The following PTH1R variants were observed in gnomAD, a reference collection of about 807,000 sequenced individuals.
The protein encoded by PTH1R is parathyroid hormone 1 receptor, also known as parathyroid hormone/parathyroid hormone-related peptide receptor.
A neutral mutation model predicts 70.7 loss-of-function variants in PTH1R; 32 were observed. That is an observed-to-expected ratio of 0.45 (90% CI 0.34 to 0.61). The LOEUF (loss-of-function observed/expected upper bound fraction) is 0.61. Among genes scored for constraint, PTH1R ranks in the 20% least tolerant of loss-of-function variants. PTH1R has a pLI of 0.01. For synonymous variants in PTH1R, 329 were observed against 324.8 expected, an observed-to-expected ratio of 1.01 and a Z score of -0.14; for missense variants, 626 against 792.5, an observed-to-expected ratio of 0.79 and a Z score of 2.52.
At position 46,902,705 on chromosome 3, in the gene PTH1R, G is replaced by C. The variant is rs1331514357; in HGVS notation, c.1353+38G>C. ...GGCCCGGGCCTGGCTGAGGGTGGGA[G>C]GGGTTCCGGGGGCAGGCCTGATTCG... On this transcript the variant is annotated intron_variant, in intron 14 of 15. Transcript: ENST00000449590. The surrounding 1 kb of genome is among the most constrained non-coding windows in gnomAD (Gnocchi z 5.4). The C allele has an allele frequency of 6.2e-7, 1 of 1,614,122 alleles. No individual in the cohort carries two copies. The highest frequency in any genetic ancestry group is 1.7e-5 in the Admixed American group (1 of 60,026).
At position 46,899,425 on chromosome 3, in the gene PTH1R, G is replaced by C. The variant is rs749033715; in HGVS notation, c.957G>C (p.Lys319Asn). ...TCATGGCCTTCTTCTCAGAGAAGAA[G>C]TACCTGTGGGGCTTCACAGTCTTCG... ...LIFMAFFSEK[K>N]YLWGFTVFGW... is the part of the protein sequence containing the mutation. Residue 319 changes from lysine to asparagine, a missense_variant, in exon 10 of 16, where the codon AAG (lysine) becomes AAC (asparagine). By Grantham distance (94) the Lys-to-Asn change is moderately conservative. Transcript: ENST00000449590. The C allele has an allele frequency of 6.2e-7, 1 of 1,613,214 alleles. No homozygotes were observed. Among genetic ancestry groups the C allele is most frequent in the African/African-American group, 1.3e-5 (1 of 74,918 alleles).
At chr3:46,889,540 C>T (rs2031265762) in intron 3 of PTH1R, among the ~76,000 whole-genome samples, 1 of 152,114 alleles carries the variant, frequency 6.6e-6, no homozygotes, top group African/African-American at 2.4e-5. Flanking sequence ...GACTCTTGGC[C>T]TCAGTGTCCC....
intron 3 of PTH1R, among the ~76,000 whole-genome samples, chr3:46,890,376 C>T (rs1276364126): frequency 2.6e-5 from 4 of 151,628 alleles, no homozygotes; most frequent in East Asian, 1.9e-4. Context: ...GTGCACATGG[C>T]GGGGATGTGA....
chr3:46,888,761 C>G lies in PTH1R; in HGVS notation c.75+5127C>G, dbSNP rs1047566949. 2.0e-5 allele frequency among the ~76,000 whole-genome samples: 3 copies of G among 152,190 alleles called. No individual in the cohort carries two copies. The East Asian group carries it at 5.8e-4, about 29-fold the overall frequency. On this transcript the variant is annotated intron_variant, in intron 3 of 15. Coordinates refer to ENST00000449590, the MANE Select transcript of PTH1R (RefSeq NM_000316.3). ...CATACTGTTCTTCTGGGCCTTGATTCCTCAACCCAAGTAGGGCCTGCTTAT... is the reference window on the plus strand; with the variant it reads ...CATACTGTTCTTCTGGGCCTTGATTGCTCAACCCAAGTAGGGCCTGCTTAT...
Position 46,892,037 on chromosome 3 carries a change from G to A in PTH1R, c.76-1870G>A, listed in dbSNP as rs2031441419. Among the ~76,000 whole-genome samples, 1 of 152,082 alleles carries A rather than the reference G, an allele frequency of 6.6e-6. No individual in the cohort carries two copies. The highest frequency in any genetic ancestry group is 1.5e-5 in the Non-Finnish European group (1 of 68,000). ...TTCAGGTTAGTCTTGGAGGCCCCTG[G>A]ATCCTGGCAAGTCCAACTTGTCCTC... On this transcript the variant is annotated intron_variant, in intron 3 of 15. Coordinates refer to ENST00000449590, the MANE Select transcript of PTH1R (RefSeq NM_000316.3). This position sits in a 1 kb window ranked among gnomAD's most constrained non-coding sequence, Gnocchi z 5.2.
Position 46,898,693 on chromosome 3 carries a change from A to T in PTH1R, c.670A>T (p.Met224Leu), listed in dbSNP as rs751763703. The T allele has an allele frequency of 6.2e-7, 1 of 1,612,382 alleles. No homozygotes were observed. Among genetic ancestry groups the T allele is most frequent in the Non-Finnish European group, 8.5e-7 (1 of 1,179,738 alleles). ...GCACTGCACGCGCAACTACATCCAC[A>T]TGCACCTGTTCCTGTCCTTCATGCT... Reference protein sequence around the residue: ...RLHCTRNYIHMHLFLSFMLRA... With the variant: ...RLHCTRNYIHLHLFLSFMLRA... The change falls in exon 9 of 16, where the codon ATG (methionine) becomes TTG (leucine). Residue 224 changes from methionine to leucine, a missense_variant. Physicochemically the swap from Met to Leu is conservative, Grantham distance 15. This residue lies in a region of PTH1R where 495 missense variants were observed against 638.7 expected (regional missense o/e 0.77). Transcript: ENST00000449590.
rs754279933 is a variant in PTH1R, at chr3:46,898,846, G to T, written c.823G>T (p.Ala275Ser). ...AQAPPPPATA[A>S]AGYAGCRVAV... ...GGCGCCCCCGCCGCCTGCCACCGCC[G>T]CTGCCGGCTACGTGAGTACCCCTCT... Residue 275 changes from alanine (A) to serine (S), a missense_variant, in exon 9 of 16, where the codon GCT becomes TCT. Ala to Ser is a moderately conservative substitution (Grantham distance 99). This residue lies in a region of PTH1R where 495 missense variants were observed against 638.7 expected (regional missense o/e 0.77). Transcript: ENST00000449590. 33 of 1,547,724 alleles carry T rather than the reference G, an allele frequency of 2.1e-5. No homozygotes were observed. Among genetic ancestry groups the T allele is most frequent in the African/African-American group, 4.1e-5 (3 of 73,216 alleles).
chr3:46,898,358 T>G lies in PTH1R; in HGVS notation c.544-20T>G. Reference sequence around the variant, plus strand: ...CCTGGGTCCCAGGGCTCTGACTGTGTCTCCCCCCGCCCCGCACAGGAGGTG... The same window carrying G: ...CCTGGGTCCCAGGGCTCTGACTGTGGCTCCCCCCGCCCCGCACAGGAGGTG... On this transcript the variant is annotated intron_variant, in intron 7 of 15. Transcript: ENST00000449590. 6.2e-7 allele frequency: 1 copy of G among 1,612,148 alleles called. No individual in the cohort carries two copies. The highest frequency in any genetic ancestry group is 8.5e-7 in the Non-Finnish European group (1 of 1,178,358).
intron 3 of PTH1R, among the ~76,000 whole-genome samples, chr3:46,885,091 G>A (rs2030928939): frequency 6.6e-6 from 1 of 152,160 alleles, no homozygotes; most frequent in South Asian, 2.1e-4. Context: ...CCGGAGTTTG[G>A]TGTGTGACGG....
In PTH1R at chr3:46,882,957, C is replaced by G. The variant is rs1361932107; in HGVS notation, c.-48-555C>G. Among the ~76,000 whole-genome samples, 1 of 151,440 alleles carries G rather than the reference C, an allele frequency of 6.6e-6. No homozygotes were observed. The highest frequency in any genetic ancestry group is 1.5e-5 in the Non-Finnish European group (1 of 67,784). On this transcript the variant is annotated intron_variant, in intron 2 of 15. Coordinates refer to ENST00000449590, the MANE Select transcript of PTH1R (RefSeq NM_000316.3). This position sits in a 1 kb window ranked among gnomAD's most constrained non-coding sequence, Gnocchi z 4.3. ...GTGGCTGCAAAGTTGAGATCGCACC[C>G]CCTAACTGCACGCCCCGCGCGGCTC...
chr3:46,896,103 G>A lies in PTH1R; in HGVS notation c.313+234G>A, dbSNP rs2031735605. Among the ~76,000 whole-genome samples, 1 of 152,174 alleles carries A rather than the reference G, an allele frequency of 6.6e-6. No homozygotes were observed. The highest frequency in any genetic ancestry group is 1.5e-5 in the Non-Finnish European group (1 of 68,022). On this transcript the variant is annotated intron_variant, in intron 5 of 15. Transcript: ENST00000449590. The surrounding 1 kb of genome is among the most constrained non-coding windows in gnomAD (Gnocchi z 4.1). ...AGAGAACTCTCCAGCACCACACCAA[G>A]AGTGGACCCAGGGCTACGGTCCCAC...
intron 3 of PTH1R, among the ~76,000 whole-genome samples, chr3:46,886,876 C>T (rs187938328): frequency 9.2e-5 from 14 of 152,338 alleles, no homozygotes; most frequent in Non-Finnish European, 1.9e-4. Context: ...TCCTCAAAAG[C>T]AGCACGAGAT....
chr3:46,895,345 C>T (rs551030426), intron 4 of PTH1R, among the ~76,000 whole-genome samples: 1 of 152,262 alleles, frequency 6.6e-6, no homozygotes, highest in African/African-American at 2.4e-5. Context: ...TTGACATCAC[C>T]CACTCTGTCT....
At position 46,898,481 on chromosome 3, in the gene PTH1R, G is replaced by C; in HGVS notation, c.638+9G>C. 1.9e-6 allele frequency: 3 copies of C among 1,613,782 alleles called. No individual in the cohort carries two copies. Among genetic ancestry groups the C allele is most frequent in the African/African-American group, 2.7e-5 (2 of 75,010 alleles). The stretch of plus-strand genomic sequence containing the variant: ...ATCCTGGCCTACTTTAGGTGGGCGG[G>C]GCGGGGCGAGAGGCGGCGGGACATG... On this transcript the variant is annotated intron_variant, in intron 8 of 15. Transcript: ENST00000449590.
rs199829955 is a variant in PTH1R, at chr3:46,898,196, C to T, written c.543+4C>T. On this transcript the variant is annotated splice_donor_region_variant and intron_variant, in intron 7 of 15. Coordinates refer to ENST00000449590, the MANE Select transcript of PTH1R (RefSeq NM_000316.3). The stretch of plus-strand genomic sequence containing the variant: ...CACCAATGAGACTCGTGAACGGGTG[C>T]GAGCCTTTCTCCTCCCCAACCTGAC... The T allele has an allele frequency of 7.4e-5, 119 of 1,613,392 alleles. No homozygotes were observed. Among genetic ancestry groups the T allele is most frequent in the Non-Finnish European group, 8.2e-5 (97 of 1,179,454 alleles).
At chr3:46,898,561 C>T (rs1575521787) in intron 8 of PTH1R, 89 bp downstream of exon 8, 2 of 1,597,786 alleles carry the variant, frequency 1.3e-6, no homozygotes, top group Non-Finnish European at 1.7e-6. Context: ...GCACCCATCA[C>T]CCCCGGCGGG....
Position 46,883,721 on chromosome 3 carries a change from T to C in PTH1R, c.75+87T>C, listed in dbSNP as rs1348736098. The stretch of plus-strand genomic sequence containing the variant: ...TAGGTCTAAGGCACGCAGTCTTGAG[T>C]TCCCCCAGTAGTTCGAACTTTGGGT... On this transcript the variant is annotated intron_variant, in intron 3 of 15. Transcript: ENST00000449590. This position sits in a 1 kb window ranked among gnomAD's most constrained non-coding sequence, Gnocchi z 6.4. 3 of 1,467,230 alleles carry C rather than the reference T, an allele frequency of 2.0e-6. No individual in the cohort carries two copies. In the African/African-American group the frequency reaches 4.2e-5, roughly 21 times the overall value. The allele number at this position is 1,467,230 out of a possible 1,614,324, so 90.9% of individuals were successfully genotyped here.
Position 46,883,198 on chromosome 3 carries a change from G to A in PTH1R, c.-48-314G>A, listed in dbSNP as rs1227666004. On this transcript the variant is annotated intron_variant, in intron 2 of 15. Transcript: ENST00000449590. The surrounding 1 kb of genome is among the most constrained non-coding windows in gnomAD (Gnocchi z 6.4). ...AAAGAAAAGGCGGCGCGGGAGGGGGGCGGGGGGCGGGCCGGGGGCGGGGGG... is the reference window on the plus strand; with the variant it reads ...AAAGAAAAGGCGGCGCGGGAGGGGGACGGGGGGCGGGCCGGGGGCGGGGGG... Among the ~76,000 whole-genome samples, 2 of 151,274 alleles carry A rather than the reference G, an allele frequency of 1.3e-5. No individual in the cohort carries two copies. Among genetic ancestry groups the A allele is most frequent in the Admixed American group, 6.6e-5 (1 of 15,228 alleles).
At chr3:46,895,450 C>G (rs1158555145) in intron 4 of PTH1R, among the ~76,000 whole-genome samples, 1 of 152,222 alleles carries the variant, frequency 6.6e-6, no homozygotes, top group African/African-American at 2.4e-5. Flanking sequence ...ACCACCTCTG[C>G]TCTGTCTTGC....
Sources: gnomAD v4.1 joint callset for allele counts (sites outside exome capture counted in the v4.1 genomes callset) on GRCh38, gnomAD v4.1.1 for gene constraint, gnomAD v4.1.1 regional missense constraint, Gnocchi (gnomAD v3.1) non-coding constraint, MANE v1.5 for transcripts, NCBI Gene and HGNC (gene_info 2026-07-23, HGNC 2026-07-21) for gene names.